SLC44A5: variants seen among roughly 807,000 people sequenced by gnomAD.
The protein encoded by SLC44A5 is choline transporter-like protein 5.
SLC44A5 carries 57 observed loss-of-function variants against 101.8 expected under a neutral mutation model. That is an observed-to-expected ratio of 0.56 (90% CI 0.45 to 0.70). SLC44A5 has a LOEUF of 0.70. SLC44A5 is among the 30% of genes least tolerant of loss of function. The pLI, the probability that SLC44A5 is intolerant of heterozygous loss-of-function variation, is 0.00. For synonymous variants in SLC44A5, 281 were observed against 290.9 expected (o/e 0.97, Z 0.35); for missense variants, 737 against 853.1 (o/e 0.86, Z 1.70).
chr1:75,363,114 C>A (rs1348716549), intron 3 of SLC44A5, among the ~76,000 whole-genome samples: 3 of 151,998 alleles, frequency 2.0e-5, no homozygotes, highest in African/African-American at 7.2e-5. Flanking sequence ...ATAAACATAG[C>A]TACCCCTGCT....
intron 14 of SLC44A5, among the ~76,000 whole-genome samples, chr1:75,220,797 A>AT (rs1647061919): frequency 1.3e-5 from 2 of 152,054 alleles, no homozygotes; most frequent in Non-Finnish European, 2.9e-5. Flanking sequence ...TGATGCTTAG[A>AT]TTTTTTTGTA....
intron 5 of SLC44A5, among the ~76,000 whole-genome samples, chr1:75,283,616 T>G (rs1652799324): frequency 6.6e-6 from 1 of 152,202 alleles, no homozygotes; most frequent in African/African-American, 2.4e-5. Flanking sequence ...ATTCTAGAAT[T>G]TTTATGGTTT....
intron 2 of SLC44A5, among the ~76,000 whole-genome samples, chr1:75,407,991 C>T (rs1662992986): frequency 6.6e-6 from 1 of 152,178 alleles, no homozygotes; most frequent in South Asian, 2.1e-4. Flanking sequence ...CCAGAATCTA[C>T]AAGAAACTTA....
intron 2 of SLC44A5, among the ~76,000 whole-genome samples, chr1:75,497,649 C>T (rs1006319376): frequency 3.9e-5 from 6 of 152,064 alleles, no homozygotes; most frequent in African/African-American, 1.4e-4. Flanking sequence ...ACCATACACA[C>T]ACAAAATGGT....
At chr1:75,207,365 C>A (rs1391136671) in intron 23 of SLC44A5, among the ~76,000 whole-genome samples, 1 of 152,174 alleles carries the variant, frequency 6.6e-6, no homozygotes, top group African/African-American at 2.4e-5. Flanking sequence ...TATTCTGACT[C>A]TCATAATACA....
At chr1:75,438,188 G>C (rs151169095) in intron 2 of SLC44A5, among the ~76,000 whole-genome samples, 1 of 152,124 alleles carries the variant, frequency 6.6e-6, no homozygotes, top group Non-Finnish European at 1.5e-5. Context: ...AAGATATTAA[G>C]AGAAATGAAG....
intron 4 of SLC44A5, among the ~76,000 whole-genome samples, chr1:75,306,656 C>A (rs1259868750): frequency 6.6e-6 from 1 of 151,486 alleles, no homozygotes; most frequent in Non-Finnish European, 1.5e-5. Context: ...TATTCTCCAA[C>A]AACTGTCATT....
intron 10 of SLC44A5, among the ~76,000 whole-genome samples, chr1:75,237,800 C>T (rs764831298): frequency 3.9e-5 from 6 of 151,992 alleles, no homozygotes; most frequent in Non-Finnish European, 2.9e-5. Flanking sequence ...CTATTGTATT[C>T]TAAATCTGCA....
At chr1:75,522,619 C>T (rs931781710) in intron 2 of SLC44A5, among the ~76,000 whole-genome samples, 7 of 152,100 alleles carry the variant, frequency 4.6e-5, no homozygotes, top group African/African-American at 9.7e-5. Flanking sequence ...GGTCCTCTCC[C>T]GACTCTTTAG....
chr1:75,212,390 G>A (rs1646875698), intron 22 of SLC44A5, among the ~76,000 whole-genome samples: 3 of 151,894 alleles, frequency 2.0e-5, no homozygotes, highest in Non-Finnish European at 1.5e-5. Flanking sequence ...TTCCCCCTTT[G>A]TGTCTATGTG....
intron 3 of SLC44A5, among the ~76,000 whole-genome samples, chr1:75,392,544 G>C (rs1372654181): frequency 1.3e-5 from 2 of 152,180 alleles, no homozygotes; most frequent in African/African-American, 4.8e-5. Flanking sequence ...AACTCTTTAT[G>C]CTGTTGGTAG....
chr1:75,561,333 G>A (rs1271596798), intron 1 of SLC44A5, among the ~76,000 whole-genome samples: 4 of 152,064 alleles, frequency 2.6e-5, no homozygotes, highest in African/African-American at 9.7e-5. Context: ...TAAGGTAGTT[G>A]TTTTTTCAAA....
chr1:75,639,364 A>G, the SLC44A5 span, among the ~76,000 whole-genome samples: 2 of 152,092 alleles, frequency 1.3e-5, no homozygotes, highest in African/African-American at 2.4e-5. Flanking sequence ...TTGTTCTACC[A>G]GTCTATAGTT....
intron 9 of SLC44A5, among the ~76,000 whole-genome samples, chr1:75,239,086 A>G (rs916068736): frequency 6.6e-6 from 1 of 152,014 alleles, no homozygotes; most frequent in Non-Finnish European, 1.5e-5. Flanking sequence ...ACCTTGGCAA[A>G]TAAGAACCAG....
chr1:75,386,829 G>C (rs372346992), intron 3 of SLC44A5, among the ~76,000 whole-genome samples: 9 of 150,720 alleles, frequency 6.0e-5, no homozygotes, highest in Non-Finnish European at 7.4e-5. Flanking sequence ...GCTACAGTAA[G>C]CAAAACAGCA....
At chr1:75,231,262 G>A (rs567415865) in intron 12 of SLC44A5, among the ~76,000 whole-genome samples, 8 of 152,282 alleles carry the variant, frequency 5.3e-5, no homozygotes, top group African/African-American at 1.7e-4. Context: ...GGGTTACCCA[G>A]TGCTTCCTGC....
At chr1:75,713,052 C>T in the SLC44A5 span, among the ~76,000 whole-genome samples, 1 of 152,108 alleles carries the variant, frequency 6.6e-6, no homozygotes, top group South Asian at 2.1e-4. Flanking sequence ...TCCGCCTAAC[C>T]ACTACCCTCT....
rs1646698005 is a variant in SLC44A5, at chr1:75,203,612, A to T, written c.*115T>A. ...GTATAAAACATGCAAATGCAAGCCA[A>T]CAAGGTCGTGAATACAGTGTTGCTA... On this transcript the variant is annotated 3_prime_UTR_variant, in exon 24 of 24. Coordinates refer to ENST00000370859, the MANE Select transcript of SLC44A5 (RefSeq NM_001130058.2). 3 of 1,282,356 alleles carry T rather than the reference A, an allele frequency of 2.3e-6. No individual in the cohort carries two copies. The highest frequency in any genetic ancestry group is 3.5e-5 in the South Asian group (2 of 56,770). The allele number at this position is 1,282,356 out of a possible 1,614,324, so 79.4% of individuals were successfully genotyped here.
intron 2 of SLC44A5, among the ~76,000 whole-genome samples, chr1:75,399,095 T>C (rs1250869444): frequency 6.6e-6 from 1 of 151,856 alleles, no homozygotes; most frequent in African/African-American, 2.4e-5. Flanking sequence ...TGGTAGGAGA[T>C]GGAGGTGGAG....
Sources: allele counts gnomAD v4.1 joint callset (sites outside exome capture counted in the v4.1 genomes callset), GRCh38; gene constraint gnomAD v4.1.1; transcripts MANE v1.5; gene names NCBI Gene and HGNC (gene_info 2026-07-23, HGNC 2026-07-21).